The following ADGRE2 variants were observed in gnomAD, a reference collection of about 807,000 sequenced individuals.
ADGRE2 encodes the protein CD97 antigen.
Under a neutral mutation model 100.8 loss-of-function variants are expected in ADGRE2, and 83 were observed. That is an observed-to-expected ratio of 0.82 (90% CI 0.69 to 0.99). ADGRE2 has a LOEUF of 0.99. Among genes scored for constraint, ADGRE2 ranks in the 50% least tolerant of loss-of-function variants. The pLI, the probability that ADGRE2 is intolerant of heterozygous loss-of-function variation, is 0.00. For synonymous variants in ADGRE2, 355 were observed against 413.0 expected (o/e 0.86, Z 1.70); for missense variants, 814 against 1,035.7 (o/e 0.79, Z 2.94).
At chr19:14,748,337 T>C (rs530456159) in intron 16 of ADGRE2, among the ~76,000 whole-genome samples, 1 of 152,074 alleles carries the variant, frequency 6.6e-6, no homozygotes, top group African/African-American at 2.4e-5. Flanking sequence ...TGAGATGGAG[T>C]CTCGCTCTGT....
chr19:14,732,924 A>G lies in ADGRE2; in HGVS notation c.*3312T>C, dbSNP rs1379062687. On this transcript the variant is annotated 3_prime_UTR_variant, in exon 21 of 21. Coordinates refer to ENST00000315576, the MANE Select transcript of ADGRE2 (RefSeq NM_013447.4). ...CTGGCTCACAAAGCCTAACATATAC[A>G]CTATCAGGCTCTTTAAGAAAACATT... The G allele has an allele frequency of 6.6e-6, 1 of 152,196 alleles. No homozygotes were observed. Among genetic ancestry groups the G allele is most frequent in the East Asian group, 1.9e-4 (1 of 5,202 alleles). 9.4% of individuals were successfully genotyped at this position (152,196 alleles called of 1,614,324 possible). A position where few individuals can be genotyped will look rare whatever the true frequency, so the allele number is the denominator to read the frequency against.
intron 10 of ADGRE2, 46 bp from the exon 11 acceptor site, chr19:14,764,656 C>A (rs1367471468): frequency 6.4e-7 from 1 of 1,560,314 alleles, no homozygotes; most frequent in South Asian, 1.2e-5. Flanking sequence ...GGCCAGAGGG[C>A]CCGCATGAAG....
rs1161266331 is a variant in ADGRE2 at position 14,755,147 on chromosome 19, G to T, written c.1417-20C>A. The T allele has an allele frequency of 4.4e-6, 7 of 1,609,002 alleles. No individual in the cohort carries two copies. In the East Asian group the frequency reaches 6.7e-5, roughly 15 times the overall value. On this transcript the variant is annotated intron_variant, in intron 13 of 20. Transcript: ENST00000315576. ...CACTGACTGCAGGAACAGAACACAG[G>T]TGTGGGCTGGGCATGGTGGCTCACG...
intron 18 of ADGRE2, 115 bp from the exon 19 acceptor site, chr19:14,743,899 G>T: frequency 3.2e-6 from 3 of 928,960 alleles, no homozygotes; most frequent in Non-Finnish European, 4.7e-6. Context: ...CTCAGACTGG[G>T]CTGTGGTCAG....
At chr19:14,756,649 T>C (rs2043512138) in intron 11 of ADGRE2, among the ~76,000 whole-genome samples, 1 of 152,180 alleles carries the variant, frequency 6.6e-6, no homozygotes, top group African/African-American at 2.4e-5. Flanking sequence ...ACCAGATGAC[T>C]TCACTGGTGA....
chr19:14,736,996 G>C (rs1273020870), intron 20 of ADGRE2, among the ~76,000 whole-genome samples: 1 of 148,300 alleles, frequency 6.7e-6, no homozygotes, highest in Non-Finnish European at 1.5e-5. Flanking sequence ...TAAGAAATTA[G>C]TTAAATAAGT....
chr19:14,759,979 T>C (rs1461550260), intron 11 of ADGRE2, among the ~76,000 whole-genome samples: 1 of 151,930 alleles, frequency 6.6e-6, no homozygotes, highest in Non-Finnish European at 1.5e-5. Context: ...CCACCACGCC[T>C]GGCTAATTTT....
At chr19:14,769,989 C>T (rs143934746) in intron 5 of ADGRE2, among the ~76,000 whole-genome samples, 1,957 of 152,278 alleles carry the variant, frequency 0.013, 26 homozygotes, top group Non-Finnish European at 0.015. Context: ...TGAGCCACTG[C>T]GCCCGGCCAG....
chr19:14,728,019 G>C (rs989438428), downstream of ADGRE2, among the ~76,000 whole-genome samples: 1 of 152,160 alleles, frequency 6.6e-6, no homozygotes. Flanking sequence ...TCAGGAGATC[G>C]AGACCATCCT....
chr19:14,744,666 G>T (rs200867975), intron 18 of ADGRE2, among the ~76,000 whole-genome samples: 1 of 151,998 alleles, frequency 6.6e-6, no homozygotes, highest in African/African-American at 2.4e-5. Flanking sequence ...TGTTGGCCAG[G>T]CTGGTCTTGA....
chr19:14,776,061 T>G (rs2044426233), intron 2 of ADGRE2, among the ~76,000 whole-genome samples: 2 of 152,152 alleles, frequency 1.3e-5, no homozygotes, highest in South Asian at 4.2e-4. Flanking sequence ...GGGGTGCATG[T>G]GGCGCTGCGG....
chr19:14,733,986 ATG>A lies in ADGRE2; in HGVS notation c.*2248_*2249del, dbSNP rs1199773823. On this transcript the variant is annotated 3_prime_UTR_variant, in exon 21 of 21. Coordinates refer to ENST00000315576, the MANE Select transcript of ADGRE2 (RefSeq NM_013447.4). ...ACGGACAGGCACAGAGCAGTGAAAAATGTGAGTTGCACTGGGAAATGTTCCCA... is the reference window on the plus strand; with the variant it reads ...ACGGACAGGCACAGAGCAGTGAAAAATGAGTTGCACTGGGAAATGTTCCCA... The A allele has an allele frequency of 6.6e-6, 1 of 152,206 alleles. No individual in the cohort carries two copies. Among genetic ancestry groups the A allele is most frequent in the East Asian group, 1.9e-4 (1 of 5,200 alleles). 9.4% of individuals were successfully genotyped at this position (152,206 alleles called of 1,614,324 possible).
chr19:14,742,148 G>A (rs753745465), intron 20 of ADGRE2: 21 of 398,250 alleles, frequency 5.3e-5, no homozygotes, highest in Non-Finnish European at 7.1e-5. Context: ...TCAAGGAGTC[G>A]CTCAAATGTG....
Position 14,733,378 on chromosome 19 carries a change from A to G in ADGRE2, c.*2858T>C, listed in dbSNP as rs977720639. 10 of 152,234 alleles carry G rather than the reference A, an allele frequency of 6.6e-5. No individual in the cohort carries two copies. The highest frequency in any genetic ancestry group is 2.4e-4 in the African/African-American group (10 of 41,460). 9.4% of individuals were successfully genotyped at this position (152,234 alleles called of 1,614,324 possible). A position where few individuals can be genotyped will look rare whatever the true frequency, so the allele number is the denominator to read the frequency against. ...AATGCAGATAAAACAGCTCGGGCAC[A>G]GAGGAAGGTGGAGGAAAAGTCTCTT... On this transcript the variant is annotated 3_prime_UTR_variant, in exon 21 of 21. Transcript: ENST00000315576.
At chr19:14,745,570 C>T (rs908978984) in intron 18 of ADGRE2, among the ~76,000 whole-genome samples, 1 of 152,104 alleles carries the variant, frequency 6.6e-6, no homozygotes, top group Non-Finnish European at 1.5e-5. Context: ...ACTCACATAC[C>T]CTTTCCAGAC....
chr19:14,759,860 C>A (rs1000147360), intron 11 of ADGRE2, among the ~76,000 whole-genome samples: 26 of 148,268 alleles, frequency 1.8e-4, no homozygotes, highest in African/African-American at 6.6e-4. Flanking sequence ...ACTCTGTCAC[C>A]CAGGCTGGAG....
In ADGRE2 at chr19:14,776,743, A is replaced by T. The variant is rs1371242295; in HGVS notation, c.14T>A (p.Val5Asp). ...GTACTTACCGAGAAAGACGAGAAAG[A>T]CGCGGCCTCCCATGGTTCCAGCTGA... The part of the protein sequence containing the change: MGGR[V>D]FLVFLAFCVW... The change falls in exon 2 of 21, where the codon GTC becomes GAC. Residue 5 changes from valine (V) to aspartate (D), a missense_variant. Coordinates refer to ENST00000315576, the MANE Select transcript of ADGRE2 (RefSeq NM_013447.4). The T allele has an allele frequency of 6.2e-7, 1 of 1,613,588 alleles. No individual in the cohort carries two copies. The highest frequency in any genetic ancestry group is 1.3e-5 in the African/African-American group (1 of 75,008).
chr19:14,731,506 G>C (rs1342938252), downstream of ADGRE2: 1 of 346,080 alleles, frequency 2.9e-6, no homozygotes, highest in East Asian at 5.5e-5. Context: ...AAACAGCCAG[G>C]GAAACTGCTC....
chr19:14,730,515 CTTTT>C (rs989348188), downstream of ADGRE2, among the ~76,000 whole-genome samples: 1 of 150,888 alleles, frequency 6.6e-6, no homozygotes, highest in Non-Finnish European at 1.5e-5. Context: ...TATCTCCTTT[CTTTT>C]TCTTTGTCTT....
Sources: allele counts gnomAD v4.1 joint callset (sites outside exome capture counted in the v4.1 genomes callset), GRCh38; gene constraint gnomAD v4.1.1; transcripts MANE v1.5; gene names NCBI Gene and HGNC (gene_info 2026-07-23, HGNC 2026-07-21).